Variants in ATP8A2 observed in about 807,000 individuals in gnomAD.
ATP8A2 encodes phospholipid-transporting ATPase IB.
Under a neutral mutation model 165.6 loss-of-function variants are expected in ATP8A2, and 100 were observed. The ratio of observed to expected loss-of-function variants is 0.60; its 90% CI spans 0.51 to 0.71. ATP8A2 has a LOEUF of 0.71. Among genes scored for constraint, ATP8A2 ranks in the 30% least tolerant of loss-of-function variants. The pLI, the probability that ATP8A2 is intolerant of heterozygous loss-of-function variation, is 0.00. For synonymous variants in ATP8A2, 543 were observed against 548.8 expected (o/e 0.99, Z 0.15); for missense variants, 1,227 against 1,479.5 (o/e 0.83, Z 2.80).
At chr13:25,399,212 G>A (rs1026637178) in intron 1 of ATP8A2, among the ~76,000 whole-genome samples, 4 of 152,036 alleles carry the variant, frequency 2.6e-5, no homozygotes, top group Non-Finnish European at 4.4e-5. Context: ...GTCACTTGGA[G>A]GCTTATTAAC....
intron 25 of ATP8A2, among the ~76,000 whole-genome samples, chr13:25,761,100 T>A (rs556805104): frequency 6.6e-6 from 1 of 152,320 alleles, no homozygotes; most frequent in East Asian, 1.9e-4. Context: ...CCTGTTCAAC[T>A]GCAGTGTCAC....
chr13:25,696,535 C>A (rs1337492885), intron 24 of ATP8A2, among the ~76,000 whole-genome samples: 1 of 152,220 alleles, frequency 6.6e-6, no homozygotes, highest in Non-Finnish European at 1.5e-5. Flanking sequence ...CTGCAGCTTC[C>A]TCGTCAGCGC....
intron 25 of ATP8A2, among the ~76,000 whole-genome samples, chr13:25,710,835 T>C (rs182205725): frequency 1.6e-3 from 208 of 127,520 alleles, no homozygotes; most frequent in African/African-American, 5.8e-3. Context: ...GAAATCCTAA[T>C]GCCATCAAGA....
chr13:25,695,648 C>T (rs1271726777), intron 24 of ATP8A2, among the ~76,000 whole-genome samples: 1 of 151,642 alleles, frequency 6.6e-6, no homozygotes, highest in Non-Finnish European at 1.5e-5. Context: ...CTCAAGAAAC[C>T]ACTTTCTTTG....
chr13:25,865,782 A>G (rs1952492184), intron 33 of ATP8A2, among the ~76,000 whole-genome samples: 1 of 152,108 alleles, frequency 6.6e-6, no homozygotes, highest in Non-Finnish European at 1.5e-5. Flanking sequence ...AATACGCCAC[A>G]TTTGTGGGAT....
rs188601654 is a variant in ATP8A2 at position 25,831,468 on chromosome 13, C to T, written c.2754+3276C>T. 4.5e-3 allele frequency among the ~76,000 whole-genome samples: 681 copies of T among 152,256 alleles called. 4 individuals are homozygous for T. The highest frequency in any genetic ancestry group is 0.015 in the African/African-American group (641 of 41,568). Reference sequence around the variant, plus strand: ...GAACTCGTGTTCCACCCGCCTTGGCCTCCCAAAGTTCTGGGATTACAGGCA... The same window carrying T: ...GAACTCGTGTTCCACCCGCCTTGGCTTCCCAAAGTTCTGGGATTACAGGCA... On this transcript the variant is annotated intron_variant, in intron 28 of 36. Coordinates refer to ENST00000381655, the MANE Select transcript of ATP8A2 (RefSeq NM_016529.6).
At chr13:25,842,488 A>G (rs1447326591) in intron 30 of ATP8A2, among the ~76,000 whole-genome samples, 4 of 152,126 alleles carry the variant, frequency 2.6e-5, no homozygotes, top group Non-Finnish European at 4.4e-5. Context: ...CCTGGCCAAC[A>G]TGGTAAAACC....
At chr13:25,745,753 G>A (rs7335747) in intron 25 of ATP8A2, among the ~76,000 whole-genome samples, 53,964 of 152,058 alleles carry the variant, frequency 0.35, 10,004 homozygotes, top group East Asian at 0.49. Context: ...TTGGTTTCTA[G>A]TGCCAATAGA....
At chr13:25,845,003 G>T (rs1951825837) in intron 30 of ATP8A2, among the ~76,000 whole-genome samples, 1 of 152,192 alleles carries the variant, frequency 6.6e-6, no homozygotes, top group Admixed American at 6.5e-5. Flanking sequence ...TTATTTTCAT[G>T]TGGTTTTGGA....
At chr13:25,380,468 G>A (rs561701591) in intron 1 of ATP8A2, among the ~76,000 whole-genome samples, 12 of 152,150 alleles carry the variant, frequency 7.9e-5, no homozygotes, top group African/African-American at 2.7e-4. Context: ...ATGTGCACTG[G>A]ATTTCTGAGA....
rs3132351 is a variant in ATP8A2, at chr13:25,717,713, T to A, written c.2384+18368T>A. 2.6e-3 allele frequency among the ~76,000 whole-genome samples: 402 copies of A among 152,352 alleles called. 1 individual carries two copies. The highest frequency in any genetic ancestry group is 9.4e-3 in the African/African-American group (391 of 41,584). ...ACCACTTTCTTATAATCTCACCGAC[T>A]GTGTATAATGAATGGCTGTCCTTTG... On this transcript the variant is annotated intron_variant, in intron 25 of 36. Coordinates refer to ENST00000381655, the MANE Select transcript of ATP8A2 (RefSeq NM_016529.6).
chr13:25,682,247 C>T (rs2042505869), intron 24 of ATP8A2, among the ~76,000 whole-genome samples: 2 of 152,102 alleles, frequency 1.3e-5, no homozygotes, highest in East Asian at 3.9e-4. Flanking sequence ...TGACCTTCCA[C>T]TCTTATTGTG....
rs191666607 is a variant in ATP8A2 at position 25,978,061 on chromosome 13, A to G, written c.3377+9382A>G. On this transcript the variant is annotated intron_variant, in intron 35 of 36. Transcript: ENST00000381655. The stretch of plus-strand genomic sequence containing the variant: ...CATTTTTACTGATGAATTTATTCTC[A>G]GTTCCAAACAAAACTAGTGTGGACA... 1.5e-4 allele frequency among the ~76,000 whole-genome samples: 23 copies of G among 152,324 alleles called. No homozygotes were observed. The East Asian group carries it at 4.4e-3, about 29-fold the overall frequency.
At chr13:25,705,163 G>A (rs1016343573) in intron 25 of ATP8A2, 2 of 434,662 alleles carry the variant, frequency 4.6e-6, no homozygotes, top group African/African-American at 4.1e-5. Flanking sequence ...TTCTTTGAAG[G>A]TCTTTATTTT....
intron 33 of ATP8A2, among the ~76,000 whole-genome samples, chr13:25,927,862 T>G (rs1423429161): frequency 6.6e-6 from 1 of 152,266 alleles, no homozygotes; most frequent in African/African-American, 2.4e-5. Context: ...GTATTTGATT[T>G]AGCTTTATGT....
chr13:25,453,251 C>G (rs1022946731), intron 1 of ATP8A2, among the ~76,000 whole-genome samples: 2 of 151,728 alleles, frequency 1.3e-5, no homozygotes, highest in Non-Finnish European at 2.9e-5. Context: ...CTCAGCCTCC[C>G]GAGTAGCTGG....
intron 35 of ATP8A2, among the ~76,000 whole-genome samples, chr13:26,008,792 G>C (rs1956790332): frequency 6.6e-6 from 1 of 152,206 alleles, no homozygotes; most frequent in South Asian, 2.1e-4. Context: ...AAAAATCAGA[G>C]TTGTGTGTTC....
rs2138601611 is a variant in ATP8A2 at position 25,828,168 on chromosome 13, T to C, written c.2730T>C (p.Arg910=). ...NGFSGQILFE[R]WCIGLYNVIF... is the part of the protein sequence containing the mutation. ...TTTCTGGGCAGATTTTATTTGAACG[T>C]TGGTGCATCGGCCTGTACAATGTGG... Residue 910 remains arginine, a synonymous_variant, in exon 28 of 37, where the codon CGT becomes CGC. Transcript: ENST00000381655. 1.9e-6 allele frequency: 3 copies of C among 1,614,130 alleles called. No homozygotes were observed. The highest frequency in any genetic ancestry group is 2.5e-6 in the Non-Finnish European group (3 of 1,179,950).
Position 25,837,124 on chromosome 13 carries a change from C to T in ATP8A2, c.2755-39C>T, listed in dbSNP as rs17082806. 10,888 of 1,591,292 alleles carry T rather than the reference C, an allele frequency of 6.8e-3. 559 individuals are homozygous for T. The African/African-American group carries it at 0.12, about 17-fold the overall frequency. Reference sequence around the variant, plus strand: ...AGGGAACAATGAAGCCGTGTGGATCCGAAGGGCTGCTTTTAATGGCTCATT... The same window carrying T: ...AGGGAACAATGAAGCCGTGTGGATCTGAAGGGCTGCTTTTAATGGCTCATT... On this transcript the variant is annotated intron_variant, in intron 28 of 36. Transcript: ENST00000381655.
Sources: allele counts gnomAD v4.1 joint callset (sites outside exome capture counted in the v4.1 genomes callset), GRCh38; gene constraint gnomAD v4.1.1; transcripts MANE v1.5; gene names NCBI Gene and HGNC (gene_info 2026-07-23, HGNC 2026-07-21).